Variants in ITFG1 observed in about 807,000 individuals in gnomAD.
ITFG1 encodes the protein T-cell immunomodulatory protein.
In ITFG1, 34 loss-of-function variants were observed where a neutral mutation model predicts 81.8. The ratio of observed to expected loss-of-function variants is 0.42; its 90% CI spans 0.32 to 0.55. ITFG1 has a LOEUF of 0.55. Ranked by LOEUF, ITFG1 falls within the 20% of genes least tolerant of loss-of-function variation. The pLI is 0.17. For missense variants in ITFG1, 672 were observed against 755.4 expected, an observed-to-expected ratio of 0.89 and a Z score of 1.29; for synonymous variants, 285 against 270.6, an observed-to-expected ratio of 1.05 and a Z score of -0.52.
At chr16:47,333,867 T>A (rs527740389) in intron 8 of ITFG1, among the ~76,000 whole-genome samples, 1 of 152,180 alleles carries the variant, frequency 6.6e-6, no homozygotes, top group Admixed American at 6.5e-5. Flanking sequence ...TACTGAAAAA[T>A]ATAATGGTTT....
chr16:47,252,175 C>A (rs1379283428), intron 12 of ITFG1, among the ~76,000 whole-genome samples: 1 of 151,990 alleles, frequency 6.6e-6, no homozygotes, highest in Non-Finnish European at 1.5e-5. Flanking sequence ...GGCAATAAGG[C>A]TGGTAAAATT....
At chr16:47,329,326 C>G (rs1174560757) in intron 8 of ITFG1, among the ~76,000 whole-genome samples, 1 of 152,072 alleles carries the variant, frequency 6.6e-6, no homozygotes, top group Non-Finnish European at 1.5e-5. Flanking sequence ...GGTGCTTAGT[C>G]AATTCAGTTT....
intron 9 of ITFG1, among the ~76,000 whole-genome samples, chr16:47,313,434 C>A (rs1449652195): frequency 6.6e-6 from 1 of 152,088 alleles, no homozygotes; most frequent in African/African-American, 2.4e-5. Flanking sequence ...TTCTAAGTAA[C>A]CTTTTATTAT....
At chr16:47,419,599 G>GTTT (rs1567493655) in intron 6 of ITFG1, among the ~76,000 whole-genome samples, 3 of 140,184 alleles carry the variant, frequency 2.1e-5, no homozygotes, top group Admixed American at 7.3e-5. Context: ...CTTACTTCAG[G>GTTT]TCTTTTTTTT....
At chr16:47,210,239 C>CA (rs1434316516) in intron 14 of ITFG1, among the ~76,000 whole-genome samples, 2 of 152,058 alleles carry the variant, frequency 1.3e-5, no homozygotes, top group African/African-American at 4.8e-5. Context: ...TTAGCCATTC[C>CA]GATAGGTGTG....
chr16:47,264,545 TACACACACACACACACACACACACAC>T (rs60424367), intron 10 of ITFG1, among the ~76,000 whole-genome samples: 1 of 136,034 alleles, frequency 7.4e-6, no homozygotes, highest in African/African-American at 2.7e-5. Context: ...TGTTCTCTAT[TACACACACACACACACACACACACAC>T]ACACACACAC....
chr16:47,242,984 ATATGT>A (rs1411114286), intron 12 of ITFG1, among the ~76,000 whole-genome samples: 5 of 152,148 alleles, frequency 3.3e-5, no homozygotes, highest in South Asian at 2.1e-4. Flanking sequence ...ATACTTTTCT[ATATGT>A]TATATTTCAA....
At chr16:47,352,357 T>G (rs932800406) in intron 8 of ITFG1, among the ~76,000 whole-genome samples, 5 of 151,958 alleles carry the variant, frequency 3.3e-5, no homozygotes, top group Non-Finnish European at 5.9e-5. Context: ...CAAACAAATT[T>G]ACAAGGAAAA....
At chr16:47,273,460 GA>G (rs1966364642) in intron 10 of ITFG1, among the ~76,000 whole-genome samples, 1 of 152,114 alleles carries the variant, frequency 6.6e-6, no homozygotes, top group Admixed American at 6.5e-5. Flanking sequence ...AAATATTATT[GA>G]AGTGTTTTGC....
At chr16:47,203,545 T>A (rs1965454077) in intron 14 of ITFG1, among the ~76,000 whole-genome samples, 1 of 152,184 alleles carries the variant, frequency 6.6e-6, no homozygotes, top group Admixed American at 6.5e-5. Context: ...CAGTGACAGA[T>A]CATCAGGCAT....
At chr16:47,440,578 GA>G (rs1415502679) in intron 5 of ITFG1, among the ~76,000 whole-genome samples, 1 of 152,126 alleles carries the variant, frequency 6.6e-6, no homozygotes, top group African/African-American at 2.4e-5. Flanking sequence ...ACCTGCTCCT[GA>G]ATGACTACTG....
chr16:47,377,236 C>T (rs750871463), intron 6 of ITFG1, among the ~76,000 whole-genome samples: 2 of 152,088 alleles, frequency 1.3e-5, no homozygotes, highest in Non-Finnish European at 2.9e-5. Context: ...CCAAGTGGAA[C>T]CATTCTTTTG....
intron 12 of ITFG1, among the ~76,000 whole-genome samples, chr16:47,249,202 G>C (rs1249576235): frequency 6.6e-6 from 1 of 152,204 alleles, no homozygotes; most frequent in Non-Finnish European, 1.5e-5. Flanking sequence ...CGGATCACTT[G>C]AAGTCAGGAG....
intron 6 of ITFG1, among the ~76,000 whole-genome samples, chr16:47,413,760 C>A (rs888977870): frequency 1.3e-5 from 2 of 152,086 alleles, no homozygotes; most frequent in Non-Finnish European, 1.5e-5. Flanking sequence ...AATAAAATAT[C>A]ATTTGATTTG....
At chr16:47,156,993 C>T (rs746380092) in intron 17 of ITFG1, among the ~76,000 whole-genome samples, 5 of 151,850 alleles carry the variant, frequency 3.3e-5, no homozygotes, top group African/African-American at 1.2e-4. Flanking sequence ...GGGGAGAGAA[C>T]GGAAAGAAAG....
chr16:47,394,718 A>G (rs905934974), intron 6 of ITFG1, among the ~76,000 whole-genome samples: 3 of 152,122 alleles, frequency 2.0e-5, no homozygotes, highest in Non-Finnish European at 2.9e-5. Context: ...TTTATCCCAT[A>G]TTTTATTAAC....
intron 6 of ITFG1, among the ~76,000 whole-genome samples, chr16:47,385,291 C>A (rs1482024046): frequency 6.6e-6 from 1 of 151,932 alleles, no homozygotes; most frequent in Admixed American, 6.5e-5. Context: ...AAAATTAGTT[C>A]AAAAAAATTA....
chr16:47,167,201 C>T (rs1045486885), intron 14 of ITFG1, among the ~76,000 whole-genome samples: 2 of 152,206 alleles, frequency 1.3e-5, no homozygotes, highest in African/African-American at 4.8e-5. Context: ...TGTCTGGCTT[C>T]TTTCACTTAG....
chr16:47,238,826 G>A (rs1238146452), intron 12 of ITFG1, among the ~76,000 whole-genome samples: 1 of 152,112 alleles, frequency 6.6e-6, no homozygotes, highest in Non-Finnish European at 1.5e-5. Context: ...TATATTACAT[G>A]ACTATGGAAT....
Sources: allele counts gnomAD v4.1 joint callset (sites outside exome capture counted in the v4.1 genomes callset), GRCh38; gene constraint gnomAD v4.1.1; transcripts MANE v1.5; gene names NCBI Gene and HGNC (gene_info 2026-07-23, HGNC 2026-07-21).